Variants in KIF13A observed in about 807,000 individuals in gnomAD.
The protein encoded by KIF13A is kinesin family member 13A.
KIF13A carries 79 observed loss-of-function variants against 212.2 expected under a neutral mutation model. The observed-to-expected ratio is 0.37, with a 90% CI of 0.31 to 0.45. The LOEUF is 0.45. KIF13A is among the 20% of genes least tolerant of loss of function. The pLI is 1.00. For missense variants in KIF13A, 1,901 were observed against 2,209.0 expected, an observed-to-expected ratio of 0.86 and a Z score of 2.79; for synonymous variants, 789 against 808.6, an observed-to-expected ratio of 0.98 and a Z score of 0.41.
intron 2 of KIF13A, among the ~76,000 whole-genome samples, chr6:17,939,590 T>G (rs757766345): frequency 2.0e-5 from 3 of 152,136 alleles, no homozygotes; most frequent in Non-Finnish European, 4.4e-5. Flanking sequence ...AGTCACAGGA[T>G]GAGGTAGGCG....
chr6:17,879,798 G>A (rs1265372198), intron 3 of KIF13A, among the ~76,000 whole-genome samples: 1 of 152,090 alleles, frequency 6.6e-6, no homozygotes, highest in East Asian at 1.9e-4. Flanking sequence ...ATGCCAAAAT[G>A]TAATTATATG....
intron 2 of KIF13A, among the ~76,000 whole-genome samples, chr6:17,931,866 T>C (rs1776013720): frequency 6.6e-6 from 1 of 152,198 alleles, no homozygotes; most frequent in Non-Finnish European, 1.5e-5. Flanking sequence ...AGAGCCCCAG[T>C]AATCCCATTA....
intron 31 of KIF13A, 118 bp from the exon 32 acceptor site, chr6:17,779,802 C>A (rs528791867): frequency 1.3e-5 from 6 of 461,818 alleles, no homozygotes; most frequent in Non-Finnish European, 2.0e-5. Flanking sequence ...GGCAGTGGCG[C>A]GATCTCGGCT....
At chr6:17,852,968 C>T (rs1465461538) in intron 6 of KIF13A, among the ~76,000 whole-genome samples, 2 of 152,124 alleles carry the variant, frequency 1.3e-5, no homozygotes, top group Non-Finnish European at 2.9e-5. Flanking sequence ...TATCAAAAGA[C>T]AATGGAGATT....
intron 2 of KIF13A, among the ~76,000 whole-genome samples, chr6:17,910,252 G>A (rs1190072303): frequency 6.6e-6 from 1 of 152,156 alleles, no homozygotes; most frequent in Non-Finnish European, 1.5e-5. Context: ...TACCCATATC[G>A]CTAGCTAGAG....
intron 2 of KIF13A, among the ~76,000 whole-genome samples, chr6:17,986,241 T>C (rs1781540888): frequency 6.6e-6 from 1 of 152,260 alleles, no homozygotes; most frequent in African/African-American, 2.4e-5. Flanking sequence ...TGCATTATTA[T>C]ATTGAATGAA....
chr6:17,781,008 A>G, intron 30 of KIF13A, 102 bp from the exon 31 acceptor site: 2 of 1,342,862 alleles, frequency 1.5e-6, no homozygotes, highest in Non-Finnish European at 2.1e-6. Context: ...AACTCACTGT[A>G]ATCAAATAGA....
intron 3 of KIF13A, among the ~76,000 whole-genome samples, chr6:17,884,623 T>TAC (rs1771375851): frequency 6.6e-6 from 1 of 152,230 alleles, no homozygotes; most frequent in African/African-American, 2.4e-5. Context: ...CAAAACACAC[T>TAC]ACTTCCTAGC....
In KIF13A at chr6:17,886,882, TA is replaced by T. The variant is rs1171604277; in HGVS notation, c.159+11285del. 6.6e-6 allele frequency among the ~76,000 whole-genome samples: 1 copy of T among 150,418 alleles called. No individual in the cohort carries two copies. Among genetic ancestry groups the T allele is most frequent in the African/African-American group, 2.5e-5 (1 of 40,558 alleles). On this transcript the variant is annotated intron_variant, in intron 3 of 38. Transcript: ENST00000259711. This position sits in a 1 kb window ranked among gnomAD's most constrained non-coding sequence, Gnocchi z 5.6. ...CTGAGGATTGTTTTGTTGTCGTTGTTAAAAAGAGGAAAAAAAAAAAAGTCTT... is the reference window on the plus strand; with the variant it reads ...CTGAGGATTGTTTTGTTGTCGTTGTTAAAAGAGGAAAAAAAAAAAAGTCTT...
Position 17,786,081 on chromosome 6 carries a change from A to G in KIF13A, c.3362-440T>C, listed in dbSNP as rs1458357025. 2.6e-5 allele frequency among the ~76,000 whole-genome samples: 4 copies of G among 152,206 alleles called. No individual in the cohort carries two copies. The highest frequency in any genetic ancestry group is 5.9e-5 in the Non-Finnish European group (4 of 68,038). ...TTCAACACCAATTTAAGGAACTGCA[A>G]GCCAGAAATAGCAGAAAGAGCATTG... is the stretch of plus-strand genomic sequence containing the variant. On this transcript the variant is annotated intron_variant, in intron 27 of 38. Coordinates refer to ENST00000259711, the MANE Select transcript of KIF13A (RefSeq NM_022113.6). The surrounding 1 kb of genome is among the most constrained non-coding windows in gnomAD (Gnocchi z 5.4).
chr6:17,856,012 A>T lies in KIF13A; in HGVS notation c.313+18T>A, dbSNP rs756715338. 1.3e-6 allele frequency: 2 copies of T among 1,570,892 alleles called. No homozygotes were observed. The highest frequency in any genetic ancestry group is 1.8e-6 in the Non-Finnish European group (2 of 1,142,150). On this transcript the variant is annotated intron_variant, in intron 5 of 38. Coordinates refer to ENST00000259711, the MANE Select transcript of KIF13A (RefSeq NM_022113.6). This position sits in a 1 kb window ranked among gnomAD's most constrained non-coding sequence, Gnocchi z 4.5. ...AGGCATGATCCCCCACATCTGGTCT[A>T]TAAAAGCAACTTCTTACCTGTCTGT...
intron 9 of KIF13A, among the ~76,000 whole-genome samples, chr6:17,842,733 A>C (rs1164113297): frequency 1.3e-5 from 2 of 152,190 alleles, no homozygotes; most frequent in African/African-American, 4.8e-5. Flanking sequence ...TTTTTAAAAA[A>C]ATCTATCAAT....
chr6:17,945,980 T>TCTGTTTAAAA (rs1486063243), intron 2 of KIF13A, among the ~76,000 whole-genome samples: 14 of 152,212 alleles, frequency 9.2e-5, no homozygotes, highest in Admixed American at 9.2e-4. Context: ...GGGGCGAAAT[T>TCTGTTTAAAA]AATCTCTACT....
chr6:17,764,964 A>G lies in KIF13A; in HGVS notation c.4582-18T>C. On this transcript the variant is annotated intron_variant, in intron 38 of 38. Transcript: ENST00000259711. This position sits in a 1 kb window ranked among gnomAD's most constrained non-coding sequence, Gnocchi z 5.1. ...TCAGAGTCCTATAGAAGTGAAGCAAAAGTCAGTCATTAGCTCCTTGTAGCA... is the reference window on the plus strand; with the variant it reads ...TCAGAGTCCTATAGAAGTGAAGCAAGAGTCAGTCATTAGCTCCTTGTAGCA... The G allele has an allele frequency of 6.4e-7, 1 of 1,572,332 alleles. No individual in the cohort carries two copies. Among genetic ancestry groups the G allele is most frequent in the Non-Finnish European group, 8.6e-7 (1 of 1,158,732 alleles).
At chr6:17,877,293 T>A (rs1770657435) in intron 3 of KIF13A, among the ~76,000 whole-genome samples, 1 of 152,220 alleles carries the variant, frequency 6.6e-6, no homozygotes, top group African/African-American at 2.4e-5. Flanking sequence ...ATTTTGTTAC[T>A]TAAACAAACA....
rs1468953484 is a variant in KIF13A, at chr6:17,799,380, T to C, written c.2676A>G (p.Gln892=). 8.1e-6 allele frequency: 13 copies of C among 1,609,790 alleles called. No homozygotes were observed. Among genetic ancestry groups the C allele is most frequent in the Admixed American group, 1.7e-5 (1 of 59,326 alleles). ...PLNLSNFVFC[Q]YTFWDQCEST... is the part of the protein sequence containing the mutation. ...ACTCACACTGGTCCCAGAATGTGTA[T>C]TGACAGAAGACAAAATTTGAGAGGT... is the stretch of plus-strand genomic sequence containing the variant. Residue 892 remains glutamine, a synonymous_variant, in exon 22 of 39, where the codon CAA becomes CAG. Transcript: ENST00000259711. The surrounding 1 kb of genome is among the most constrained non-coding windows in gnomAD (Gnocchi z 4.4).
In KIF13A at chr6:17,808,762, T is replaced by C; in HGVS notation, c.2163+6A>G. ...TCTTGCCCTCTCACTTGAAGGACATTCTTACCTTCCTATTGGCACTGAGGT... is the reference window on the plus strand; with the variant it reads ...TCTTGCCCTCTCACTTGAAGGACATCCTTACCTTCCTATTGGCACTGAGGT... On this transcript the variant is annotated splice_donor_region_variant and intron_variant, in intron 18 of 38. Coordinates refer to ENST00000259711, the MANE Select transcript of KIF13A (RefSeq NM_022113.6). 13 of 1,609,424 alleles carry C rather than the reference T, an allele frequency of 8.1e-6. No individual in the cohort carries two copies. Among genetic ancestry groups the C allele is most frequent in the Non-Finnish European group, 1.1e-5 (13 of 1,178,236 alleles).
chr6:17,986,891 G>C (rs912759795), intron 2 of KIF13A, among the ~76,000 whole-genome samples, 163 bp downstream of exon 2: 1 of 152,224 alleles, frequency 6.6e-6, no homozygotes, highest in African/African-American at 2.4e-5. Context: ...GGGGGCGAGG[G>C]AGGAGAGGAA....
intron 18 of KIF13A, among the ~76,000 whole-genome samples, chr6:17,807,004 A>G (rs1162628878): frequency 6.6e-6 from 1 of 152,188 alleles, no homozygotes; most frequent in Admixed American, 6.5e-5. Flanking sequence ...TACTTTTATA[A>G]TTTCTTATGC....
Sources: gnomAD v4.1 joint callset for allele counts (sites outside exome capture counted in the v4.1 genomes callset) on GRCh38, gnomAD v4.1.1 for gene constraint, Gnocchi (gnomAD v3.1) non-coding constraint, MANE v1.5 for transcripts, NCBI Gene and HGNC (gene_info 2026-07-23, HGNC 2026-07-21) for gene names.